Variants in SGSM1 observed in about 807,000 individuals in gnomAD.
SGSM1 encodes small G protein signaling modulator 1.
A neutral mutation model predicts 133.8 loss-of-function variants in SGSM1; 73 were observed. That is an observed-to-expected ratio of 0.55 (90% confidence interval 0.45 to 0.66). The LOEUF (loss-of-function observed/expected upper bound fraction) is 0.66. Ranked by LOEUF, SGSM1 falls within the 30% of genes least tolerant of loss-of-function variation. The pLI is 0.00. For synonymous variants in SGSM1, 563 were observed against 573.0 expected, an observed-to-expected ratio of 0.98 and a Z score of 0.25; for missense variants, 1,213 against 1,448.1, an observed-to-expected ratio of 0.84 and a Z score of 2.64.
At position 24,850,999 on chromosome 22, in the gene SGSM1, G is replaced by A. The variant is rs143190133; in HGVS notation, c.455+567G>A. On this transcript the variant is annotated intron_variant, in intron 5 of 24. Transcript: ENST00000400358. ...GTCTGTAGCTCCAGCTACTCAGGAG[G>A]CTGAGGCAGGAGAATGGTGTGAACC... is the stretch of plus-strand genomic sequence containing the variant. Among the ~76,000 whole-genome samples the A allele has an allele frequency of 7.8e-3, 1,191 of 151,816 alleles. 16 individuals carry two copies. Among genetic ancestry groups the A allele is most frequent in the African/African-American group, 0.027 (1,111 of 41,366 alleles).
intron 2 of SGSM1, among the ~76,000 whole-genome samples, chr22:24,837,049 G>A (rs1569140316): frequency 1.3e-5 from 2 of 152,166 alleles, no homozygotes; most frequent in Non-Finnish European, 2.9e-5. Flanking sequence ...CCTGTGTGCG[G>A]CAACAAGAGA....
Position 24,831,721 on chromosome 22 carries a change from C to G in SGSM1, c.64-13176C>G, listed in dbSNP as rs374652019. ...TTGATATCCTTTGAACACACAGGCC[C>G]CCAGCGGAGACACCTGCCTATGGCT... On this transcript the variant is annotated intron_variant, in intron 2 of 24. Coordinates refer to ENST00000400358, the MANE Select transcript of SGSM1 (RefSeq NM_001098497.3). 1.4e-4 allele frequency among the ~76,000 whole-genome samples: 22 copies of G among 152,344 alleles called. No individual in the cohort carries two copies. In the East Asian group the frequency reaches 2.3e-3, roughly 16 times the overall value.
At position 24,895,393 on chromosome 22, in the gene SGSM1, A is replaced by C. The variant is rs1044774002; in HGVS notation, c.2022+102A>C. 3.3e-6 allele frequency: 4 copies of C among 1,230,040 alleles called. No individual in the cohort carries two copies. In the African/African-American group the frequency reaches 6.0e-5, roughly 19 times the overall value. 76.2% of individuals were successfully genotyped at this position (1,230,040 alleles called of 1,614,324 possible). The stretch of plus-strand genomic sequence containing the variant: ...TCATCTGTAGGTCACTTTTTGCTTT[A>C]TTTGTTTTAGCTTTTTATATTAGCA... On this transcript the variant is annotated intron_variant, in intron 18 of 24. Coordinates refer to ENST00000400358, the MANE Select transcript of SGSM1 (RefSeq NM_001098497.3).
chr22:24,893,015 A>G (rs12484800), intron 16 of SGSM1, among the ~76,000 whole-genome samples: 4,540 of 151,288 alleles, frequency 0.03, 136 homozygotes, highest in African/African-American at 0.064. Context: ...AGATTGTGCT[A>G]CAGCACTCCA....
intron 2 of SGSM1, among the ~76,000 whole-genome samples, chr22:24,829,088 C>T (rs113718751): frequency 1.4e-3 from 209 of 151,780 alleles, no homozygotes; most frequent in African/African-American, 4.7e-3. Context: ...CCTAGCTACT[C>T]GGGAGGCTGA....
intron 21 of SGSM1, among the ~76,000 whole-genome samples, chr22:24,907,003 G>A (rs1224986043): frequency 6.6e-6 from 1 of 151,184 alleles, no homozygotes; most frequent in African/African-American, 2.4e-5. Context: ...GATCACGCCT[G>A]TAATCCCATC....
At chr22:24,855,862 C>T (rs370898284) in intron 8 of SGSM1, 182 bp downstream of exon 8, 1 of 849,530 alleles carries the variant, frequency 1.2e-6, no homozygotes, top group South Asian at 1.5e-5. Flanking sequence ...CCCATCCTTA[C>T]ATCCATCCAT....
intron 2 of SGSM1, 194 bp from the exon 3 acceptor site, chr22:24,844,703 G>A: frequency 1.8e-6 from 1 of 563,312 alleles, no homozygotes. Flanking sequence ...TTGATAAAAT[G>A]AGAAGCATGG....
At chr22:24,852,090 T>A (rs961520982) in intron 5 of SGSM1, among the ~76,000 whole-genome samples, 3 of 152,242 alleles carry the variant, frequency 2.0e-5, no homozygotes, top group African/African-American at 7.2e-5. Context: ...TTCAACTTTT[T>A]ATTTTTAATT....
At chr22:24,869,709 G>A (rs1410315785) in intron 12 of SGSM1, among the ~76,000 whole-genome samples, 1 of 152,178 alleles carries the variant, frequency 6.6e-6, no homozygotes, top group African/African-American at 2.4e-5. Context: ...GTAAGTTGTA[G>A]TCAAACTTTA....
chr22:24,854,877 A>T (rs1360455634), intron 5 of SGSM1, 119 bp from the exon 6 acceptor site: 2 of 694,610 alleles, frequency 2.9e-6, no homozygotes, highest in Non-Finnish European at 5.0e-6. Context: ...CATTTTACAG[A>T]TGGGGCAGCT....
chr22:24,843,092 T>G (rs1163015579), intron 2 of SGSM1, among the ~76,000 whole-genome samples: 1 of 152,174 alleles, frequency 6.6e-6, no homozygotes, highest in African/African-American at 2.4e-5. Flanking sequence ...CCCTGTGACC[T>G]TGAGTGGTCC....
At chr22:24,842,860 A>C (rs1302054889) in intron 2 of SGSM1, among the ~76,000 whole-genome samples, 1 of 152,230 alleles carries the variant, frequency 6.6e-6, no homozygotes, top group South Asian at 2.1e-4. Context: ...TGCTCAGCAC[A>C]TGATGATCAT....
chr22:24,820,048 A>G (rs578056470), intron 2 of SGSM1, among the ~76,000 whole-genome samples: 1 of 152,098 alleles, frequency 6.6e-6, no homozygotes, highest in Admixed American at 6.6e-5. Context: ...AGCAGTGGGC[A>G]GGCACCCAGG....
chr22:24,806,829 G>A (rs1927421925), intron 2 of SGSM1, among the ~76,000 whole-genome samples: 1 of 152,060 alleles, frequency 6.6e-6, no homozygotes, highest in Non-Finnish European at 1.5e-5. Flanking sequence ...TTCCAAGAGA[G>A]AGAAGCTGCT....
chr22:24,864,107 G>A (rs1229511582), intron 9 of SGSM1, among the ~76,000 whole-genome samples: 1 of 152,018 alleles, frequency 6.6e-6, no homozygotes, highest in African/African-American at 2.4e-5. Context: ...TCACTAGCTG[G>A]GTATTCCAAT....
At chr22:24,868,676 G>C (rs749143619) in intron 11 of SGSM1, 47 bp from the exon 12 acceptor site, 1 of 1,609,306 alleles carries the variant, frequency 6.2e-7, no homozygotes, top group Admixed American at 1.7e-5. Context: ...GCAAGTTGTG[G>C]GGACAGATGT....
chr22:24,852,422 C>T (rs1329285781), intron 5 of SGSM1, among the ~76,000 whole-genome samples: 2 of 152,096 alleles, frequency 1.3e-5, no homozygotes, highest in South Asian at 2.1e-4. Flanking sequence ...CACCTCGGTT[C>T]CAACTCTACC....
intron 8 of SGSM1, among the ~76,000 whole-genome samples, chr22:24,857,879 A>G (rs978552224): frequency 1.8e-4 from 27 of 152,218 alleles, no homozygotes; most frequent in East Asian, 1.2e-3. Flanking sequence ...AATATTTCCT[A>G]TTTGTCCCTT....
Sources: allele counts gnomAD v4.1 joint callset (sites outside exome capture counted in the v4.1 genomes callset), GRCh38; gene constraint gnomAD v4.1.1; transcripts MANE v1.5; gene names NCBI Gene and HGNC (gene_info 2026-07-23, HGNC 2026-07-21).